NAV3: variants seen among roughly 807,000 people sequenced by gnomAD.
NAV3 encodes pore membrane and/or filament interacting like protein 1.
Under a neutral mutation model 244.7 loss-of-function variants are expected in NAV3, and 87 were observed. The observed-to-expected ratio is 0.36, with a 90% CI of 0.30 to 0.42. The LOEUF is 0.42. NAV3 is among the 20% of genes least tolerant of loss of function. The pLI is 1.00. For missense variants in NAV3, 2,663 were observed against 2,893.3 expected (o/e 0.92, Z 1.83); for synonymous variants, 1,126 against 1,042.2 (o/e 1.08, Z -1.55).
At chr12:78,168,574 A>C (rs1957876167) in intron 23 of NAV3, among the ~76,000 whole-genome samples, 181 bp from the exon 24 acceptor site, 1 of 151,682 alleles carries the variant, frequency 6.6e-6, no homozygotes, top group Non-Finnish European at 1.5e-5. Context: ...ACAAAAAACC[A>C]CCTCCTTTAC....
chr12:78,135,193 A>G (rs913965555), intron 18 of NAV3, among the ~76,000 whole-genome samples: 15 of 152,190 alleles, frequency 9.9e-5, no homozygotes, highest in Non-Finnish European at 1.6e-4. Context: ...TCTATTTTAC[A>G]TATTAACTTT....
Position 77,995,656 on chromosome 12 carries a change from C to T in NAV3, c.740+785C>T, listed in dbSNP as rs11107748. On this transcript the variant is annotated intron_variant, in intron 6 of 39. Transcript: ENST00000397909. The stretch of plus-strand genomic sequence containing the variant: ...ATGCAGTGTTTGACCACAAAGACTG[C>T]GTCTGATGCTTTGACTTGAGGTAGG... Among the ~76,000 whole-genome samples the T allele has an allele frequency of 3.6e-3, 546 of 152,260 alleles. 4 individuals carry two copies. The highest frequency in any genetic ancestry group is 0.012 in the African/African-American group (487 of 41,548).
Position 78,200,495 on chromosome 12 carries a change from C to T in NAV3, c.6738C>T (p.Cys2246=), listed in dbSNP as rs759341580. 1 of 1,589,112 alleles carries T rather than the reference C, an allele frequency of 6.3e-7. No individual in the cohort carries two copies. The highest frequency in any genetic ancestry group is 1.2e-5 in the South Asian group (1 of 86,752). ...CAGGTCCCCGACTATTCCTTCCTTG[C>T]CCCATGGATGTAGAAGGTTCTAGAG... ...VTIGPRLFLP[C]PMDVEGSRVW... Residue 2246 remains cysteine, a synonymous_variant, in exon 38 of 40, where the codon TGC becomes TGT. Coordinates refer to ENST00000397909, the MANE Select transcript of NAV3 (RefSeq NM_001024383.2).
At chr12:78,115,111 T>TAA (rs1310950771) in intron 12 of NAV3, among the ~76,000 whole-genome samples, 4 of 152,220 alleles carry the variant, frequency 2.6e-5, no homozygotes, top group Non-Finnish European at 1.5e-5. Flanking sequence ...GAAGAGCAGA[T>TAA]AAAGTATCAG....
At chr12:78,048,826 C>A (rs1052808313) in intron 9 of NAV3, among the ~76,000 whole-genome samples, 7 of 152,220 alleles carry the variant, frequency 4.6e-5, no homozygotes, top group African/African-American at 1.4e-4. Context: ...ACAGCCGCCC[C>A]TTCCCCCAGG....
chr12:77,928,879 T>C (rs1004387819), intron 1 of NAV3, among the ~76,000 whole-genome samples: 5 of 152,170 alleles, frequency 3.3e-5, no homozygotes, highest in African/African-American at 4.8e-5. Flanking sequence ...TCTGATAAAA[T>C]CTGAAATTGA....
chr12:78,060,303 C>T (rs577833851), intron 12 of NAV3, among the ~76,000 whole-genome samples: 6 of 152,230 alleles, frequency 3.9e-5, no homozygotes, highest in Admixed American at 3.9e-4. Context: ...ACAGTCAACT[C>T]CAAAGGCTAG....
intron 2 of NAV3, among the ~76,000 whole-genome samples, chr12:77,640,929 G>T (rs1872382353): frequency 6.6e-6 from 1 of 152,072 alleles, no homozygotes; most frequent in African/African-American, 2.4e-5. Flanking sequence ...TGAGAAGTGG[G>T]CTGATACAAA....
chr12:77,790,516 G>T (rs1364411793), intron 2 of NAV3, among the ~76,000 whole-genome samples: 1 of 152,156 alleles, frequency 6.6e-6, no homozygotes, highest in African/African-American at 2.4e-5. Flanking sequence ...CCAGGATGAT[G>T]ATCCTTGTCC....
chr12:78,059,291 GT>G lies in NAV3; in HGVS notation c.2636+184del, dbSNP rs557174068. Among the ~76,000 whole-genome samples, 18 of 150,958 alleles carry G rather than the reference GT, an allele frequency of 1.2e-4. 1 individual carries two copies. Among genetic ancestry groups the G allele is most frequent in the Non-Finnish European group, 2.1e-4 (14 of 67,730 alleles). Reference sequence around the variant, plus strand: ...TTTTTTTGTTTGTTTGTTTGTTTTCGTTTTTTTTGTGTGTGTGAGACAGAGT... The same window carrying G: ...TTTTTTTGTTTGTTTGTTTGTTTTCGTTTTTTTGTGTGTGTGAGACAGAGT... On this transcript the variant is annotated intron_variant, in intron 12 of 39. Coordinates refer to ENST00000397909, the MANE Select transcript of NAV3 (RefSeq NM_001024383.2).
chr12:78,006,999 G>A lies in NAV3; in HGVS notation c.1461G>A (p.Glu487=), dbSNP rs778799852. The change falls in exon 8 of 40, where the codon GAG becomes GAA. Residue 487 remains glutamate (E), a synonymous_variant. Coordinates refer to ENST00000397909, the MANE Select transcript of NAV3 (RefSeq NM_001024383.2). The stretch of plus-strand genomic sequence containing the variant: ...GCACTGAAAAACCAGTCAAAGAAGA[G>A]AAGGATCAGGTGACAGAGATGGCTC... ...KVCTEKPVKE[E]KDQVTEMAPK... 15 of 1,614,016 alleles carry A rather than the reference G, an allele frequency of 9.3e-6. No homozygotes were observed. The highest frequency in any genetic ancestry group is 1.3e-5 in the Non-Finnish European group (15 of 1,180,036).
rs575612610 is a variant in NAV3, at chr12:78,038,569, A to T, written c.2024-11424A>T. Reference sequence around the variant, plus strand: ...CATGTCAGTTTGGTTTTAGAAGAGTAATCTTTCCACAGTTGTCAGAATAGT... The same window carrying T: ...CATGTCAGTTTGGTTTTAGAAGAGTTATCTTTCCACAGTTGTCAGAATAGT... On this transcript the variant is annotated intron_variant, in intron 9 of 39. Coordinates refer to ENST00000397909, the MANE Select transcript of NAV3 (RefSeq NM_001024383.2). Among the ~76,000 whole-genome samples, 3 of 152,314 alleles carry T rather than the reference A, an allele frequency of 2.0e-5. No individual in the cohort carries two copies. The East Asian group carries it at 5.8e-4, about 29-fold the overall frequency.
intron 1 of NAV3, among the ~76,000 whole-genome samples, chr12:77,928,467 A>G (rs550456750): frequency 1.3e-5 from 2 of 152,098 alleles, no homozygotes; most frequent in Non-Finnish European, 1.5e-5. Context: ...AGGATTTCAA[A>G]ATTGTCTGAC....
At chr12:78,123,888 C>T (rs1270777570) in intron 16 of NAV3, among the ~76,000 whole-genome samples, 2 of 152,280 alleles carry the variant, frequency 1.3e-5, no homozygotes, top group Non-Finnish European at 2.9e-5. Context: ...ATTCTAGTTT[C>T]AGCACTTCTA....
chr12:78,016,341 A>G (rs1876210126), intron 8 of NAV3, among the ~76,000 whole-genome samples: 2 of 152,188 alleles, frequency 1.3e-5, no homozygotes, highest in Admixed American at 6.5e-5. Context: ...TTATTCACAT[A>G]TACATACATT....
At chr12:77,639,742 A>G (rs1332575825) in intron 2 of NAV3, among the ~76,000 whole-genome samples, 1 of 152,198 alleles carries the variant, frequency 6.6e-6, no homozygotes, top group East Asian at 1.9e-4. Flanking sequence ...GCAGAGACAG[A>G]CATTAGGTGC....
At chr12:77,665,781 T>G (rs1330662964) in intron 2 of NAV3, among the ~76,000 whole-genome samples, 1 of 152,214 alleles carries the variant, frequency 6.6e-6, no homozygotes, top group East Asian at 1.9e-4. Context: ...GAGGGCACAC[T>G]GTGATCCCTG....
At chr12:78,003,781 A>C (rs910014762) in intron 7 of NAV3, among the ~76,000 whole-genome samples, 2 of 152,260 alleles carry the variant, frequency 1.3e-5, no homozygotes, top group Non-Finnish European at 2.9e-5. Context: ...ATAACTAGAC[A>C]TTAGTTCTGT....
chr12:77,678,772 G>A (rs1874318825), intron 2 of NAV3, among the ~76,000 whole-genome samples: 2 of 152,026 alleles, frequency 1.3e-5, no homozygotes, highest in South Asian at 4.1e-4. Context: ...CATTATCTCA[G>A]CCATCTTATA....
Sources: allele counts gnomAD v4.1 joint callset (sites outside exome capture counted in the v4.1 genomes callset), GRCh38; gene constraint gnomAD v4.1.1; transcripts MANE v1.5; gene names NCBI Gene and HGNC (gene_info 2026-07-23, HGNC 2026-07-21).